AKAP13: variants seen among roughly 807,000 people sequenced by gnomAD.
AKAP13 encodes the protein A-kinase anchoring protein 13, also known as A-kinase anchor protein 13.
AKAP13 carries 80 observed loss-of-function variants against 264.5 expected under a neutral mutation model. The ratio of observed to expected loss-of-function variants is 0.30; its 90% CI spans 0.25 to 0.36. The LOEUF is 0.36. Among genes scored for constraint, AKAP13 ranks in the 10% least tolerant of loss-of-function variants. The probability of loss-of-function intolerance (pLI) is 1.00; values close to 1 mark genes in which losing one functional copy is unlikely to be tolerated. For synonymous variants in AKAP13, 1,380 were observed against 1,250.2 expected (o/e 1.10, Z -2.19); for missense variants, 3,712 against 3,435.2 (o/e 1.08, Z -2.01).
chr15:85,655,533 A>C lies in AKAP13; in HGVS notation c.4491A>C (p.Leu1497Phe). The C allele has an allele frequency of 6.2e-7, 1 of 1,614,212 alleles. No homozygotes were observed. The highest frequency in any genetic ancestry group is 8.5e-7 in the Non-Finnish European group (1 of 1,180,040). ...HGSDVSLSQI[L>F]KPNRSRDRQS... Reference sequence around the variant, plus strand: ...GTGATGTGTCTCTCTCCCAGATTTTAAAGCCAAACAGGTCAAGAGATCGGC... The same window carrying C: ...GTGATGTGTCTCTCTCCCAGATTTTCAAGCCAAACAGGTCAAGAGATCGGC... The change falls in exon 11 of 37, where the codon TTA becomes TTC. Residue 1497 changes from leucine (L) to phenylalanine (F), a missense_variant. Transcript: ENST00000394518.
chr15:85,537,874 T>C (rs1015033177), intron 4 of AKAP13, among the ~76,000 whole-genome samples: 1 of 152,236 alleles, frequency 6.6e-6, no homozygotes, highest in Non-Finnish European at 1.5e-5. Flanking sequence ...CAAAAATTAA[T>C]CTTCACTTTA....
chr15:85,544,277 T>G, intron 5 of AKAP13: 1 of 425,962 alleles, frequency 2.3e-6, no homozygotes, highest in South Asian at 1.9e-5. Context: ...TACCAATGTA[T>G]ACAGTTTATC....
At chr15:85,537,967 T>C (rs1237086616) in intron 4 of AKAP13, among the ~76,000 whole-genome samples, 3 of 152,220 alleles carry the variant, frequency 2.0e-5, no homozygotes, top group Admixed American at 1.3e-4. Flanking sequence ...TTCTACACAT[T>C]GTACTGTTTG....
intron 33 of AKAP13, 63 bp from the exon 34 acceptor site, chr15:85,740,159 T>C (rs2088848976): frequency 3.3e-6 from 5 of 1,537,926 alleles, no homozygotes; most frequent in Admixed American, 1.7e-5. Flanking sequence ...TAAACATTAG[T>C]GTGATGGATT....
chr15:85,742,655 C>A (rs1233719009), intron 35 of AKAP13, among the ~76,000 whole-genome samples: 1 of 152,200 alleles, frequency 6.6e-6, no homozygotes, highest in African/African-American at 2.4e-5. Flanking sequence ...TTATTCAGCA[C>A]ACTCACTCCT....
rs114369869 is a variant in AKAP13 at position 85,664,694 on chromosome 15, T to C, written c.4931T>C (p.Val1644Ala). 1.1e-3 allele frequency: 1,833 copies of C among 1,614,074 alleles called. 18 individuals are homozygous for C. The African/African-American group carries it at 0.021, about 19-fold the overall frequency. The change falls in exon 13 of 37, where the codon GTG becomes GCG. Residue 1644 changes from valine (V) to alanine (A), a missense_variant. By Grantham distance (64) the Val-to-Ala change is moderately conservative (BLOSUM62 0). Transcript: ENST00000394518. ...FSGEERVDSL[V>A]SLSEEDLESD... is the part of the protein sequence containing the mutation. ...GGTGAGGAACGGGTTGACTCTTTGG[T>C]GTCACTTTCAGAAGAGGATCTGGAG...
chr15:85,458,393 G>GTTTTGT (rs2074366632), intron 1 of AKAP13, among the ~76,000 whole-genome samples: 1 of 120,664 alleles, frequency 8.3e-6, no homozygotes, highest in African/African-American at 3.3e-5. Context: ...TTTGTTTTTT[G>GTTTTGT]TTTTTTTTTT....
Position 85,744,735 on chromosome 15 carries a change from G to A in AKAP13, c.*58G>A. On this transcript the variant is annotated 3_prime_UTR_variant, in exon 37 of 37. Coordinates refer to ENST00000394518, the MANE Select transcript of AKAP13 (RefSeq NM_007200.5). ...TGATCCTGGCCAGCCCACCTCTCCT[G>A]CTGTCCCCGCGTGCACAAGTCTCTT... The A allele has an allele frequency of 2.0e-6, 3 of 1,499,776 alleles. No individual in the cohort carries two copies. Among genetic ancestry groups the A allele is most frequent in the South Asian group, 1.3e-5 (1 of 78,054 alleles). The allele number at this position is 1,499,776 out of a possible 1,614,324, so 92.9% of individuals were successfully genotyped here.
chr15:85,571,477 A>G (rs1250845962), intron 5 of AKAP13, among the ~76,000 whole-genome samples: 1 of 152,200 alleles, frequency 6.6e-6, no homozygotes, highest in Non-Finnish European at 1.5e-5. Flanking sequence ...ATTCTTATGC[A>G]TAGAGTTTTG....
At chr15:85,728,995 A>G (rs2087787452) in intron 29 of AKAP13, among the ~76,000 whole-genome samples, 1 of 152,086 alleles carries the variant, frequency 6.6e-6, no homozygotes, top group Non-Finnish European at 1.5e-5. Context: ...TGTAAGAAAT[A>G]AGGTCATTAA....
chr15:85,395,241 C>T (rs1231604008), intron 1 of AKAP13, among the ~76,000 whole-genome samples: 1 of 152,158 alleles, frequency 6.6e-6, no homozygotes, highest in African/African-American at 2.4e-5. Flanking sequence ...GAATGAGAAT[C>T]TGTTCTTTTA....
rs1467151478 is a variant in AKAP13 at position 85,544,096 on chromosome 15, G to A, written c.662+141G>A. The A allele has an allele frequency of 1.7e-5, 17 of 1,013,816 alleles. 1 individual carries two copies. The South Asian group carries it at 2.3e-4, about 14-fold the overall frequency. 62.8% of individuals were successfully genotyped at this position (1,013,816 alleles called of 1,614,324 possible). On this transcript the variant is annotated intron_variant, in intron 5 of 36. Transcript: ENST00000394518. ...CTCTGTATCTTGCCTTCTGCTGGAG[G>A]TTTGTAAGCTTGCTCCTGCTAACCA... is the stretch of plus-strand genomic sequence containing the variant.
chr15:85,441,891 C>T (rs908098795), intron 1 of AKAP13, among the ~76,000 whole-genome samples: 2 of 151,960 alleles, frequency 1.3e-5, no homozygotes, highest in Non-Finnish European at 2.9e-5. Context: ...TGGGTCTTGG[C>T]CTTATTGTAG....
chr15:85,637,380 A>G (rs79417367), intron 8 of AKAP13, among the ~76,000 whole-genome samples: 1,971 of 152,332 alleles, frequency 0.013, 45 homozygotes, highest in African/African-American at 0.044. Context: ...GGTAGTTTGC[A>G]TAGTGTCATG....
intron 1 of AKAP13, among the ~76,000 whole-genome samples, chr15:85,403,747 A>C (rs1443492217): frequency 6.6e-6 from 1 of 151,700 alleles, no homozygotes; most frequent in African/African-American, 2.4e-5. Context: ...AGGCTGAGGC[A>C]GGAGAATCGC....
chr15:85,498,334 C>G (rs1414620943), intron 2 of AKAP13, among the ~76,000 whole-genome samples: 8 of 151,810 alleles, frequency 5.3e-5, no homozygotes, highest in Admixed American at 5.2e-4. Flanking sequence ...TGTGTGGCTT[C>G]GTCTTGCATC....
intron 14 of AKAP13, among the ~76,000 whole-genome samples, chr15:85,679,057 A>T (rs1247449082): frequency 6.6e-6 from 1 of 151,844 alleles, no homozygotes; most frequent in Non-Finnish European, 1.5e-5. Context: ...TGGCCAACAT[A>T]GTGAAACCCC....
chr15:85,510,566 G>A (rs746625261), intron 2 of AKAP13, among the ~76,000 whole-genome samples: 12 of 152,088 alleles, frequency 7.9e-5, no homozygotes, highest in Non-Finnish European at 1.8e-4. Flanking sequence ...TCCCAGTAAT[G>A]GATGGCAGTT....
At chr15:85,702,403 A>G (rs776743757) in intron 17 of AKAP13, 1 of 152,216 alleles carries the variant, frequency 6.6e-6, no homozygotes, top group Non-Finnish European at 1.5e-5. Context: ...CCCATGTGTT[A>G]TCTTGGCAGG....
Sources: allele counts gnomAD v4.1 joint callset (sites outside exome capture counted in the v4.1 genomes callset), GRCh38; gene constraint gnomAD v4.1.1; transcripts MANE v1.5; gene names NCBI Gene and HGNC (gene_info 2026-07-23, HGNC 2026-07-21).